Variants in RSRC1 observed in about 807,000 individuals in gnomAD.
RSRC1 encodes serine/Arginine-related protein 53.
In RSRC1, 39 loss-of-function variants were observed where a neutral mutation model predicts 49.1. That is an observed-to-expected ratio of 0.79 (90% CI 0.61 to 1.04). RSRC1 has a LOEUF of 1.04. Among genes scored for constraint, RSRC1 ranks in the 50% least tolerant of loss-of-function variants. The pLI, the probability that RSRC1 is intolerant of heterozygous loss-of-function variation, is 0.00. For missense variants in RSRC1, 388 were observed against 402.4 expected, an observed-to-expected ratio of 0.96 and a Z score of 0.31; for synonymous variants, 143 against 130.8, an observed-to-expected ratio of 1.09 and a Z score of -0.63.
Position 158,161,731 on chromosome 3 carries a change from C to A in RSRC1, c.320+37740C>A, listed in dbSNP as rs578237241. On this transcript the variant is annotated intron_variant, in intron 3 of 9. Transcript: ENST00000611884. Reference sequence around the variant, plus strand: ...GAACTGAGATCACGCCACTGCACTCCAGTCTGGGTGACAAAGTGAGACCAT... The same window carrying A: ...GAACTGAGATCACGCCACTGCACTCAAGTCTGGGTGACAAAGTGAGACCAT... 2.6e-5 allele frequency among the ~76,000 whole-genome samples: 4 copies of A among 152,298 alleles called. No individual in the cohort carries two copies. The South Asian group carries it at 8.3e-4, about 32-fold the overall frequency.
chr3:158,448,749 C>T (rs1736866013), intron 6 of RSRC1, among the ~76,000 whole-genome samples: 1 of 151,650 alleles, frequency 6.6e-6, no homozygotes, highest in African/African-American at 2.4e-5. Flanking sequence ...TAGAAAATTC[C>T]CCAACAATAA....
At chr3:158,414,661 G>T (rs983524947) in intron 6 of RSRC1, among the ~76,000 whole-genome samples, 1 of 151,972 alleles carries the variant, frequency 6.6e-6, no homozygotes, top group Non-Finnish European at 1.5e-5. Flanking sequence ...GCTGGAGATT[G>T]CAATGAGCTA....
chr3:158,127,762 T>TG (rs1311359734), intron 3 of RSRC1, among the ~76,000 whole-genome samples: 1 of 149,042 alleles, frequency 6.7e-6, no homozygotes, highest in East Asian at 2.0e-4. Flanking sequence ...TGTGGTTTTT[T>TG]TTTTTTTTTT....
At chr3:158,259,473 G>T (rs537154646) in intron 4 of RSRC1, among the ~76,000 whole-genome samples, 5 of 152,098 alleles carry the variant, frequency 3.3e-5, no homozygotes. Flanking sequence ...CTGGGGTAAG[G>T]GTGACAAACA....
At chr3:158,282,585 G>T (rs1726245785) in intron 4 of RSRC1, among the ~76,000 whole-genome samples, 1 of 152,140 alleles carries the variant, frequency 6.6e-6, no homozygotes, top group African/African-American at 2.4e-5. Flanking sequence ...TTTTCAACTT[G>T]GGACATTTGC....
chr3:158,356,114 G>A (rs1356119443), intron 6 of RSRC1, among the ~76,000 whole-genome samples: 6 of 151,856 alleles, frequency 4.0e-5, no homozygotes, highest in Non-Finnish European at 8.8e-5. Flanking sequence ...ACAGTTGACC[G>A]CAGGTAACTG....
At chr3:158,190,558 T>G (rs864331) in intron 3 of RSRC1, among the ~76,000 whole-genome samples, 98,107 of 149,876 alleles carry the variant, frequency 0.65, 32,328 homozygotes, top group East Asian at 0.84. Flanking sequence ...AATAAATTGG[T>G]TTTTTTTCCC....
At chr3:158,387,079 A>G (rs1014473743) in intron 6 of RSRC1, among the ~76,000 whole-genome samples, 4 of 152,126 alleles carry the variant, frequency 2.6e-5, no homozygotes, top group Admixed American at 2.6e-4. Context: ...CATTAAAAAA[A>G]AAGTGGTTGG....
At chr3:158,260,103 A>T (rs530378781) in intron 4 of RSRC1, among the ~76,000 whole-genome samples, 8 of 150,650 alleles carry the variant, frequency 5.3e-5, no homozygotes, top group African/African-American at 2.0e-4. Context: ...AAGCTGCAAG[A>T]CAAAGTCCTC....
At chr3:158,398,352 T>C (rs1382347036) in intron 6 of RSRC1, among the ~76,000 whole-genome samples, 3 of 151,966 alleles carry the variant, frequency 2.0e-5, no homozygotes, top group Non-Finnish European at 4.4e-5. Context: ...AAGTCCAAGA[T>C]TAAGGCACCA....
chr3:158,410,373 A>G (rs1734395189), intron 6 of RSRC1, among the ~76,000 whole-genome samples: 1 of 152,152 alleles, frequency 6.6e-6, no homozygotes, highest in African/African-American at 2.4e-5. Flanking sequence ...TTTCAGCTTA[A>G]ACTTTATATC....
intron 5 of RSRC1, among the ~76,000 whole-genome samples, chr3:158,301,736 T>C (rs1578309566): frequency 6.6e-6 from 1 of 152,208 alleles, no homozygotes; most frequent in East Asian, 1.9e-4. Flanking sequence ...ATTTGAAATA[T>C]AGTTGCATTT....
Position 158,220,878 on chromosome 3 carries a change from A to T in RSRC1, c.494+17633A>T, listed in dbSNP as rs537041071. Among the ~76,000 whole-genome samples, 9 of 151,706 alleles carry T rather than the reference A, an allele frequency of 5.9e-5. No homozygotes were observed. The South Asian group carries it at 1.9e-3, about 31-fold the overall frequency. On this transcript the variant is annotated intron_variant, in intron 4 of 9. Transcript: ENST00000611884. ...ACATACAGTAATCACCTAAACATGG[A>T]TTCTGCCTTTGCTGTTAGGGAACCA...
chr3:158,135,002 A>AT (rs969614645), intron 3 of RSRC1, among the ~76,000 whole-genome samples: 45 of 152,146 alleles, frequency 3.0e-4, no homozygotes, highest in African/African-American at 1.0e-3. Context: ...TTTATTGATA[A>AT]TTTTTTTCTA....
intron 4 of RSRC1, among the ~76,000 whole-genome samples, chr3:158,221,317 C>A (rs1391876335): frequency 6.6e-6 from 1 of 151,224 alleles, no homozygotes; most frequent in African/African-American, 2.4e-5. Context: ...ATAACTTTGT[C>A]AAATGGTGGT....
intron 4 of RSRC1, among the ~76,000 whole-genome samples, chr3:158,231,506 G>A (rs2108311828): frequency 6.6e-6 from 1 of 152,118 alleles, no homozygotes; most frequent in South Asian, 2.1e-4. Context: ...CTGAATAAAT[G>A]ACTTTTATTT....
rs79634620 is a variant in RSRC1, at chr3:158,428,172, G to C, written c.584-32763G>C. On this transcript the variant is annotated intron_variant, in intron 6 of 9. Transcript: ENST00000611884. ...GAAAGGAGTCAAGCCTCTACTCTCA[G>C]TATTGCATATAGATAAGTCTAATAC... Among the ~76,000 whole-genome samples, 1,411 of 151,786 alleles carry C rather than the reference G, an allele frequency of 9.3e-3. 32 individuals carry two copies. The highest frequency in any genetic ancestry group is 0.032 in the African/African-American group (1,346 of 41,428).
intron 3 of RSRC1, among the ~76,000 whole-genome samples, chr3:158,182,374 G>A (rs1323093594): frequency 6.6e-6 from 1 of 152,114 alleles, no homozygotes; most frequent in African/African-American, 2.4e-5. Context: ...TTTTTCTTAG[G>A]TGATAGAGAA....
chr3:158,361,538 C>A (rs529415686), intron 6 of RSRC1, among the ~76,000 whole-genome samples: 107 of 152,322 alleles, frequency 7.0e-4, no homozygotes, highest in South Asian at 2.3e-3. Context: ...ATGCCTCCCC[C>A]ACTGTGGACA....
Sources: gnomAD v4.1 joint callset for allele counts (sites outside exome capture counted in the v4.1 genomes callset) on GRCh38, gnomAD v4.1.1 for gene constraint, MANE v1.5 for transcripts, NCBI Gene and HGNC (gene_info 2026-07-23, HGNC 2026-07-21) for gene names.